The following ATRNL1 variants were observed in gnomAD, a reference collection of about 807,000 sequenced individuals.
The protein encoded by ATRNL1 is attractin-like protein 1.
ATRNL1 carries 95 observed loss-of-function variants against 182.7 expected under a neutral mutation model. That is an observed-to-expected ratio of 0.52 (90% CI 0.44 to 0.62). The LOEUF (loss-of-function observed/expected upper bound fraction) is 0.62. Among genes scored for constraint, ATRNL1 ranks in the 20% least tolerant of loss-of-function variants. The pLI, the probability that ATRNL1 is intolerant of heterozygous loss-of-function variation, is 0.00. For missense variants in ATRNL1, 1,471 were observed against 1,679.5 expected (o/e 0.88, Z 2.17); for synonymous variants, 576 against 568.3 (o/e 1.01, Z -0.19).
At chr10:115,380,475 A>G (rs1354993092) in intron 19 of ATRNL1, among the ~76,000 whole-genome samples, 4 of 151,330 alleles carry the variant, frequency 2.6e-5, no homozygotes, top group East Asian at 1.9e-4. Flanking sequence ...TGTTTTCATC[A>G]CCCCCCTCTA....
intron 20 of ATRNL1, among the ~76,000 whole-genome samples, chr10:115,410,252 CTT>C (rs200667955): frequency 0.012 from 1,776 of 150,742 alleles, 33 homozygotes; most frequent in African/African-American, 0.04. Flanking sequence ...CTATGATGCT[CTT>C]GTTTACTGCT....
chr10:115,635,373 A>G (rs1858801556), intron 26 of ATRNL1, among the ~76,000 whole-genome samples: 2 of 152,244 alleles, frequency 1.3e-5, no homozygotes, highest in South Asian at 4.1e-4. Flanking sequence ...GACACCCAAT[A>G]GGCATATGTA....
intron 25 of ATRNL1, among the ~76,000 whole-genome samples, chr10:115,543,696 T>C (rs11593278): frequency 0.18 from 27,168 of 152,156 alleles, 3,053 homozygotes; most frequent in Non-Finnish European, 0.25. Context: ...TATAGCACAC[T>C]ATGTTACTTA....
At chr10:115,229,439 T>C (rs782053213) in intron 9 of ATRNL1, among the ~76,000 whole-genome samples, 10 of 152,142 alleles carry the variant, frequency 6.6e-5, no homozygotes, top group Non-Finnish European at 1.0e-4. Context: ...CTCTGCTTAC[T>C]GAGTGTCTGA....
chr10:115,512,688 G>A (rs1419927835), intron 24 of ATRNL1, among the ~76,000 whole-genome samples: 1 of 151,750 alleles, frequency 6.6e-6, no homozygotes, highest in Non-Finnish European at 1.5e-5. Context: ...ATTTTAGTGG[G>A]GAAAAGACAT....
chr10:115,746,046 C>A (rs1555069093), intron 27 of ATRNL1, among the ~76,000 whole-genome samples: 1 of 151,992 alleles, frequency 6.6e-6, no homozygotes. Flanking sequence ...ATATTAATAT[C>A]AAAGGTTAAT....
intron 26 of ATRNL1, among the ~76,000 whole-genome samples, chr10:115,624,496 T>A (rs1371434995): frequency 6.6e-6 from 1 of 152,196 alleles, no homozygotes; most frequent in Non-Finnish European, 1.5e-5. Context: ...TCATCTTCGA[T>A]TATAAAATTT....
chr10:115,750,159 A>G (rs1486263525), intron 27 of ATRNL1, among the ~76,000 whole-genome samples: 1 of 151,936 alleles, frequency 6.6e-6, no homozygotes, highest in African/African-American at 2.4e-5. Context: ...CCTCATGGGC[A>G]AGGACACGTG....
chr10:115,339,468 C>T (rs1310256024), intron 19 of ATRNL1, among the ~76,000 whole-genome samples: 1 of 151,922 alleles, frequency 6.6e-6, no homozygotes, highest in Non-Finnish European at 1.5e-5. Flanking sequence ...TTATGTGTGG[C>T]TATTATAAAT....
chr10:115,445,430 CAAAAAAAAAAAA>C (rs34068379), intron 21 of ATRNL1, among the ~76,000 whole-genome samples: 2 of 26,120 alleles, frequency 7.7e-5, no homozygotes, highest in Non-Finnish European at 5.9e-5. Context: ...GATTTCGCCT[CAAAAAAAAAAAA>C]AAAAAAAAAA....
intron 8 of ATRNL1, among the ~76,000 whole-genome samples, chr10:115,195,602 T>C (rs1848330296): frequency 6.6e-6 from 1 of 152,070 alleles, no homozygotes; most frequent in Non-Finnish European, 1.5e-5. Flanking sequence ...AAATAAGTAT[T>C]TGAGTATATT....
chr10:115,238,620 T>A (rs1487955586), intron 9 of ATRNL1, among the ~76,000 whole-genome samples: 2 of 152,104 alleles, frequency 1.3e-5, no homozygotes, highest in African/African-American at 4.8e-5. Flanking sequence ...TCTAGAGGGT[T>A]TTTTTGGTTG....
intron 26 of ATRNL1, among the ~76,000 whole-genome samples, chr10:115,621,276 T>TATAGAGAGAGAGAG (rs1268020830): frequency 2.6e-3 from 125 of 47,554 alleles, no homozygotes; most frequent in Non-Finnish European, 4.1e-3. Context: ...TATATATATA[T>TATAGAGAGAGAGAG]AGAGAGAGAG....
chr10:115,372,280 A>G lies in ATRNL1; in HGVS notation c.3176-22379A>G, dbSNP rs144654147. 1.5e-4 allele frequency among the ~76,000 whole-genome samples: 23 copies of G among 152,296 alleles called. No homozygotes were observed. The East Asian group carries it at 3.7e-3, about 24-fold the overall frequency. On this transcript the variant is annotated intron_variant, in intron 19 of 28. Coordinates refer to ENST00000355044, the MANE Select transcript of ATRNL1 (RefSeq NM_207303.4). The stretch of plus-strand genomic sequence containing the variant: ...TTTGATATTAACCCCTCATCCAGGT[A>G]TATGATTTGAAAATATTTTCTGCAA...
intron 17 of ATRNL1, among the ~76,000 whole-genome samples, chr10:115,313,544 A>G (rs1854141890): frequency 6.6e-6 from 1 of 152,158 alleles, no homozygotes. Context: ...TTCATTCGCC[A>G]GTGGCGTGTA....
intron 26 of ATRNL1, among the ~76,000 whole-genome samples, chr10:115,551,866 T>G (rs972825693): frequency 2.0e-5 from 3 of 151,362 alleles, no homozygotes; most frequent in Non-Finnish European, 4.4e-5. Flanking sequence ...CCAAAACTAT[T>G]AAGATATTTT....
intron 5 of ATRNL1, among the ~76,000 whole-genome samples, chr10:115,146,814 T>G (rs994527328): frequency 1.3e-5 from 2 of 151,860 alleles, no homozygotes; most frequent in Non-Finnish European, 2.9e-5. Flanking sequence ...TTTTTTTTTT[T>G]TGTGGCTGAC....
intron 27 of ATRNL1, among the ~76,000 whole-genome samples, chr10:115,744,793 T>G (rs551779748): frequency 1.3e-5 from 2 of 152,288 alleles, no homozygotes; most frequent in Admixed American, 6.5e-5. Context: ...CAATAATTAT[T>G]TTCCTACATA....
At chr10:115,126,154 T>C (rs1554873437) in intron 3 of ATRNL1, among the ~76,000 whole-genome samples, 1 of 152,194 alleles carries the variant, frequency 6.6e-6, no homozygotes, top group Non-Finnish European at 1.5e-5. Flanking sequence ...ACCTCCCAGG[T>C]TCAAGCGATT....
Sources: allele counts gnomAD v4.1 joint callset (sites outside exome capture counted in the v4.1 genomes callset), GRCh38; gene constraint gnomAD v4.1.1; transcripts MANE v1.5; gene names NCBI Gene and HGNC (gene_info 2026-07-23, HGNC 2026-07-21).